SLC1A6: variants seen among roughly 807,000 people sequenced by gnomAD.
SLC1A6 encodes the protein solute carrier family 1 member 6, also known as excitatory amino acid transporter 4.
Under a neutral mutation model 42.1 loss-of-function variants are expected in SLC1A6, and 15 were observed. The observed-to-expected ratio is 0.36, with a 90% CI of 0.24 to 0.55. The LOEUF (loss-of-function observed/expected upper bound fraction) is 0.55, where lower values mean the gene tolerates loss of function less well. Ranked by LOEUF, SLC1A6 falls within the 20% of genes least tolerant of loss-of-function variation. SLC1A6 has a pLI of 0.88. For missense variants in SLC1A6, 542 were observed against 772.5 expected, an observed-to-expected ratio of 0.70 and a Z score of 3.54; for synonymous variants, 317 against 319.7, an observed-to-expected ratio of 0.99 and a Z score of 0.09.
At chr19:15,010,634 G>C (rs1434626483), upstream of SLC1A6, 3 of 665,510 alleles carry the variant, frequency 4.5e-6, no homozygotes, top group Non-Finnish European at 7.7e-6. Flanking sequence ...CTTAGGCCAA[G>C]TTCCAAAGCA....
At chr19:15,008,977 T>C (rs781280179) in intron 1 of SLC1A6, among the ~76,000 whole-genome samples, 7 of 151,006 alleles carry the variant, frequency 4.6e-5, no homozygotes, top group Non-Finnish European at 7.4e-5. Context: ...GCCTGGGAAA[T>C]TGGAGTGAGA....
chr19:14,994,188 A>G (rs12978618), intron 1 of SLC1A6, among the ~76,000 whole-genome samples: 60,827 of 151,860 alleles, frequency 0.4, 12,371 homozygotes, highest in South Asian at 0.45. Context: ...ACCAACAAGA[A>G]GCCTTGTCCT....
chr19:14,971,268 C>T (rs993973128), intron 3 of SLC1A6, among the ~76,000 whole-genome samples: 11 of 152,066 alleles, frequency 7.2e-5, no homozygotes, highest in Admixed American at 3.3e-4. Context: ...GTTTACTATC[C>T]AGCCCTCTAA....
At chr19:14,954,053 C>A (rs1057419718) in intron 8 of SLC1A6, 82 bp downstream of exon 8, 15 of 1,083,552 alleles carry the variant, frequency 1.4e-5, no homozygotes, top group Non-Finnish European at 2.0e-5. Context: ...CTGAGGCCCC[C>A]TCCTCCCTCC....
chr19:14,994,158 T>C (rs12984896), intron 1 of SLC1A6, among the ~76,000 whole-genome samples: 60,835 of 151,940 alleles, frequency 0.4, 12,370 homozygotes, highest in South Asian at 0.46. Flanking sequence ...CCTTGTTCTG[T>C]GTCCAGGTTC....
At chr19:14,973,312 TC>T (rs2045666746) in intron 1 of SLC1A6, 1 of 180,796 alleles carries the variant, frequency 5.5e-6, no homozygotes, top group Non-Finnish European at 1.1e-5. Context: ...CCCAACACTT[TC>T]TAAGGCCAAG....
intron 8 of SLC1A6, 143 bp from the exon 9 acceptor site, chr19:14,953,205 A>C (rs1380362614): frequency 9.4e-6 from 6 of 640,776 alleles, no homozygotes; most frequent in Non-Finnish European, 1.6e-5. Context: ...AGAGAGAAAA[A>C]TACTGCTTGA....
At chr19:14,995,057 G>A (rs1329773616) in intron 1 of SLC1A6, among the ~76,000 whole-genome samples, 1 of 152,084 alleles carries the variant, frequency 6.6e-6, no homozygotes, top group East Asian at 1.9e-4. Context: ...GAGTGTGGTG[G>A]CTCACACCTG....
chr19:14,984,034 G>A (rs1057144508), upstream of SLC1A6, among the ~76,000 whole-genome samples: 1 of 152,166 alleles, frequency 6.6e-6, no homozygotes, highest in Admixed American at 6.6e-5. Flanking sequence ...ATAGGGCTGG[G>A]TGCGGTGGCT....
upstream of SLC1A6, among the ~76,000 whole-genome samples, chr19:14,980,913 C>T (rs2145224197): frequency 6.6e-6 from 1 of 152,144 alleles, no homozygotes; most frequent in African/African-American, 2.4e-5. Flanking sequence ...GCATGCATCG[C>T]CCTGGCTCTG....
intron 1 of SLC1A6, among the ~76,000 whole-genome samples, chr19:15,003,660 C>CAAAAAAAAAAA (rs371118940): frequency 4.1e-5 from 5 of 121,954 alleles, no homozygotes; most frequent in South Asian, 3.0e-4. Context: ...CATGTAATGC[C>CAAAAAAAAAAA]AAAAAAAAAA....
upstream of SLC1A6, among the ~76,000 whole-genome samples, chr19:14,984,836 G>A (rs775852578): frequency 1.3e-5 from 2 of 152,190 alleles, no homozygotes; most frequent in East Asian, 1.9e-4. Flanking sequence ...TCTCAGAGTC[G>A]TGAATACAAA....
At chr19:14,991,983 G>A (rs909332433) in intron 1 of SLC1A6, among the ~76,000 whole-genome samples, 8 of 152,000 alleles carry the variant, frequency 5.3e-5, no homozygotes, top group African/African-American at 1.9e-4. Context: ...CTACCACCAC[G>A]TCCAGCTAAT....
intron 5 of SLC1A6, among the ~76,000 whole-genome samples, chr19:14,962,916 A>T (rs923172839): frequency 6.6e-6 from 1 of 152,160 alleles, no homozygotes. Flanking sequence ...AAACAAAAAA[A>T]AATTGAACTA....
intron 8 of SLC1A6, 134 bp from the exon 9 acceptor site, chr19:14,953,196 G>A: frequency 1.5e-6 from 1 of 677,916 alleles, no homozygotes; most frequent in Non-Finnish European, 2.5e-6. Context: ...GCCAGACACA[G>A]AGAGAAAAAT....
chr19:14,962,496 A>G, intron 5 of SLC1A6, 151 bp from the exon 6 acceptor site: 1 of 621,432 alleles, frequency 1.6e-6, no homozygotes, highest in East Asian at 2.7e-5. Context: ...ATCGACTATC[A>G]CTCATTCAGC....
intron 1 of SLC1A6, among the ~76,000 whole-genome samples, chr19:15,004,908 A>C (rs12981198): frequency 0.81 from 123,922 of 152,068 alleles, 50,533 homozygotes; most frequent in South Asian, 0.86. Context: ...CTGTTCAGAC[A>C]CACGCAGGTG....
At position 14,952,984 on chromosome 19, in the gene SLC1A6, C is replaced by T. The variant is rs186971391; in HGVS notation, c.1443G>A (p.Thr481=). ...AGLVTMVIVL[T]SVGLPTEDIT... Reference sequence around the variant, plus strand: ...TGTCTTCCGTGGGCAAGCCGACCGACGTAAGCACAATGACCATGGTGACCA... The same window carrying T: ...TGTCTTCCGTGGGCAAGCCGACCGATGTAAGCACAATGACCATGGTGACCA... Residue 481 remains threonine, a synonymous_variant, in exon 9 of 10, where the codon ACG becomes ACA. Coordinates refer to ENST00000594383, the MANE Select transcript of SLC1A6 (RefSeq NM_005071.3). The T allele has an allele frequency of 5.6e-5, 91 of 1,614,042 alleles. No individual in the cohort carries two copies. The East Asian group carries it at 9.8e-4, about 17-fold the overall frequency.
At chr19:14,981,641 G>T (rs1014940950), upstream of SLC1A6, among the ~76,000 whole-genome samples, 6 of 152,142 alleles carry the variant, frequency 3.9e-5, no homozygotes, top group Admixed American at 3.9e-4. Flanking sequence ...ACTCAGCAGC[G>T]AAGACAACAG....
Sources: allele counts gnomAD v4.1 joint callset (sites outside exome capture counted in the v4.1 genomes callset), GRCh38; gene constraint gnomAD v4.1.1; transcripts MANE v1.5; gene names NCBI Gene and HGNC (gene_info 2026-07-23, HGNC 2026-07-21).